Variants in AFF2 observed in about 807,000 individuals in gnomAD.
AFF2 encodes ALF transcription elongation factor 2.
AFF2 carries 14 observed loss-of-function variants against 76.9 expected under a neutral mutation model. The observed-to-expected ratio is 0.18, with a 90% CI of 0.12 to 0.28. The LOEUF is 0.28. Ranked by LOEUF, AFF2 falls within the 10% of genes least tolerant of loss-of-function variation. The pLI is 1.00. For missense variants in AFF2, 868 were observed against 1,001.1 expected, an observed-to-expected ratio of 0.87 and a Z score of 1.79; for synonymous variants, 398 against 366.7, an observed-to-expected ratio of 1.09 and a Z score of -0.98.
intron 3 of AFF2, among the ~76,000 whole-genome samples, chrX:148,686,143 G>A (rs1174507304): frequency 3.6e-5 from 4 of 111,878 alleles, no homozygotes; most frequent in African/African-American, 6.5e-5. Flanking sequence ...AAGCCTAAGT[G>A]AATCTGTGAG....
rs1645018504 is a variant in AFF2 at position 148,993,092 on chromosome X, C to G, written c.*1760C>G. 8.9e-6 allele frequency: 1 copy of G among 112,635 alleles called. No individual in the cohort carries two copies. Among genetic ancestry groups the G allele is most frequent in the Admixed American group, 9.4e-5 (1 of 10,644 alleles). 9.3% of individuals were successfully genotyped at this position (112,635 alleles called of 1,213,427 possible). A position where few individuals can be genotyped will look rare whatever the true frequency, so the allele number is the denominator to read the frequency against. On this transcript the variant is annotated 3_prime_UTR_variant, in exon 21 of 21. Coordinates refer to ENST00000370460, the MANE Select transcript of AFF2 (RefSeq NM_002025.4). ...AAAACAGCCAGACTTGAGCTGTGCT[C>G]TGGTCATCTTTGAGTTTAAGGCCTT...
chrX:148,980,145 T>C (rs2124416228), intron 18 of AFF2, among the ~76,000 whole-genome samples: 1 of 112,152 alleles, frequency 8.9e-6, no homozygotes, highest in East Asian at 2.8e-4. Context: ...CCAGCCCACT[T>C]CCATCAGAGG....
chrX:148,804,255 C>T (rs1018568529), intron 3 of AFF2, among the ~76,000 whole-genome samples: 3 of 111,813 alleles, frequency 2.7e-5, no homozygotes, highest in Admixed American at 1.9e-4. Context: ...CAAACAAGTT[C>T]GAGTGGCTTG....
chrX:148,743,148 T>C (rs1213709697), intron 3 of AFF2, among the ~76,000 whole-genome samples: 1 of 112,131 alleles, frequency 8.9e-6, no homozygotes, highest in Non-Finnish European at 1.9e-5. Flanking sequence ...AGTATGTCTG[T>C]AAAGTTTTTG....
chrX:148,651,035 A>G (rs1557256260), intron 1 of AFF2, among the ~76,000 whole-genome samples: 1 of 112,339 alleles, frequency 8.9e-6, no homozygotes, highest in African/African-American at 3.2e-5. Flanking sequence ...TAAGGTTAAC[A>G]TCAAAAGCAT....
At chrX:148,950,593 T>C (rs1445967622) in intron 9 of AFF2, among the ~76,000 whole-genome samples, 1 of 111,981 alleles carries the variant, frequency 8.9e-6, no homozygotes, top group African/African-American at 3.2e-5. Flanking sequence ...GATGTACTTC[T>C]TCTTGTTCTT....
At chrX:148,659,565 C>A (rs1557257489) in intron 2 of AFF2, among the ~76,000 whole-genome samples, 1 of 112,483 alleles carries the variant, frequency 8.9e-6, no homozygotes, top group African/African-American at 3.2e-5. Flanking sequence ...CTTGTTGAGT[C>A]AGATCATTGA....
At chrX:148,504,204 T>C (rs150665621) in intron 1 of AFF2, among the ~76,000 whole-genome samples, 212 of 111,170 alleles carry the variant, frequency 1.9e-3, no homozygotes, top group Non-Finnish European at 3.3e-3. Flanking sequence ...CTTTCAGTTC[T>C]GTAAGCACCT....
At chrX:148,517,183 T>G (rs1557233910) in intron 1 of AFF2, among the ~76,000 whole-genome samples, 2 of 111,798 alleles carry the variant, frequency 1.8e-5, no homozygotes, top group African/African-American at 6.5e-5. Context: ...AAAAGTCCAA[T>G]GTTTTTCTAA....
At chrX:148,757,564 A>G (rs2069388768) in intron 3 of AFF2, among the ~76,000 whole-genome samples, 1 of 111,473 alleles carries the variant, frequency 9.0e-6, no homozygotes, top group Admixed American at 9.6e-5. Flanking sequence ...AGTTATTAGA[A>G]TTAAAAATAG....
At chrX:148,731,271 G>A (rs2055216185) in intron 3 of AFF2, among the ~76,000 whole-genome samples, 1 of 111,818 alleles carries the variant, frequency 8.9e-6, no homozygotes, top group African/African-American at 3.2e-5. Context: ...GACCTAAACT[G>A]AAGTGGCAAC....
intron 1 of AFF2, among the ~76,000 whole-genome samples, chrX:148,501,878 C>T (rs2052357717): frequency 8.9e-6 from 1 of 111,953 alleles, no homozygotes; most frequent in African/African-American, 3.2e-5. Context: ...GGGAGGCAGC[C>T]GTAGTTTTTT....
In AFF2 at chrX:148,600,884, T is replaced by C. The variant is rs192951408; in HGVS notation, c.48-51115T>C. 3.6e-5 allele frequency among the ~76,000 whole-genome samples: 4 copies of C among 112,403 alleles called. No homozygotes were observed. In the Admixed American group the frequency reaches 3.8e-4, roughly 11 times the overall value. ...GAAATATTTTAAAAGTGTCCCAAGC[T>C]AAGTGTAGAGCAAATGCAAAGGCTC... On this transcript the variant is annotated intron_variant, in intron 1 of 20. Transcript: ENST00000370460.
chrX:148,538,912 G>C (rs2052820847), intron 1 of AFF2, among the ~76,000 whole-genome samples: 1 of 111,367 alleles, frequency 9.0e-6, no homozygotes, highest in Admixed American at 9.5e-5. Flanking sequence ...ACCCAAGATA[G>C]TTTCCACTCT....
intron 3 of AFF2, among the ~76,000 whole-genome samples, chrX:148,674,276 G>T (rs2054456424): frequency 8.9e-6 from 1 of 112,351 alleles, no homozygotes; most frequent in African/African-American, 3.2e-5. Context: ...ACCACATCAG[G>T]CAGTGGGCTG....
chrX:148,811,109 C>T (rs943229523), intron 4 of AFF2, among the ~76,000 whole-genome samples: 3 of 111,532 alleles, frequency 2.7e-5, no homozygotes, highest in Non-Finnish European at 5.7e-5. Flanking sequence ...CTTTGATCAA[C>T]GATGAGACTA....
intron 1 of AFF2, among the ~76,000 whole-genome samples, chrX:148,650,807 C>T (rs782125571): frequency 3.6e-5 from 4 of 111,695 alleles, no homozygotes; most frequent in Non-Finnish European, 5.6e-5. Context: ...ATTAAGGTTT[C>T]GGATATAGTC....
Position 148,967,096 on chromosome X carries a change from T to C in AFF2, c.3203+17T>C. On this transcript the variant is annotated intron_variant, in intron 14 of 20. Coordinates refer to ENST00000370460, the MANE Select transcript of AFF2 (RefSeq NM_002025.4). ...TGATGACTCGTATGTTGTTCCAGATTATCATGGACAGTTTGGAGTAGTGAA... is the reference window on the plus strand; with the variant it reads ...TGATGACTCGTATGTTGTTCCAGATCATCATGGACAGTTTGGAGTAGTGAA... 1.7e-6 allele frequency: 2 copies of C among 1,205,525 alleles called. No homozygotes were observed. The highest frequency in any genetic ancestry group is 3.5e-5 in the African/African-American group (2 of 57,587).
intron 1 of AFF2, among the ~76,000 whole-genome samples, chrX:148,628,753 A>G (rs370129650): frequency 1.1e-4 from 12 of 112,045 alleles, no homozygotes; most frequent in African/African-American, 3.9e-4. Context: ...AGTTTCTTCA[A>G]GACTTTGACA....
Sources: gnomAD v4.1 joint callset for allele counts (sites outside exome capture counted in the v4.1 genomes callset) on GRCh38, gnomAD v4.1.1 for gene constraint, MANE v1.5 for transcripts, NCBI Gene and HGNC (gene_info 2026-07-23, HGNC 2026-07-21) for gene names.